Variants in CDC14B observed in about 807,000 individuals in gnomAD.
CDC14B encodes dual specificity protein phosphatase CDC14B.
In CDC14B, 22 loss-of-function variants were observed where a neutral mutation model predicts 64.2. The observed-to-expected ratio is 0.34, with a 90% CI of 0.24 to 0.49. The LOEUF is 0.49. Among genes scored for constraint, CDC14B ranks in the 20% least tolerant of loss-of-function variants. The pLI is 0.99. For synonymous variants in CDC14B, 191 were observed against 215.8 expected (o/e 0.89, Z 1.01); for missense variants, 498 against 629.9 (o/e 0.79, Z 2.24).
In CDC14B at chr9:96,509,689, T is replaced by G. The variant is rs763380051; in HGVS notation, c.1444A>C (p.Lys482Gln). Residue 482 changes from lysine (K) to glutamine (Q), a missense_variant, in exon 13 of 14, where the codon AAA becomes CAA. Transcript: ENST00000375241. ...TKRTTRSASRKSSVKSLSISR... is the reference protein window; with the variant it reads ...TKRTTRSASRQSSVKSLSISR... ...TTTTCTCACCTTTTAACACTGCTTTTCCTTGAAGCAGATCTGGTGGTTCTT... is the reference window on the plus strand; with the variant it reads ...TTTTCTCACCTTTTAACACTGCTTTGCCTTGAAGCAGATCTGGTGGTTCTT... The G allele has an allele frequency of 8.1e-6, 13 of 1,603,724 alleles. No homozygotes were observed. Among genetic ancestry groups the G allele is most frequent in the Non-Finnish European group, 1.1e-5 (13 of 1,170,784 alleles).
intron 4 of CDC14B, among the ~76,000 whole-genome samples, chr9:96,555,388 C>T (rs964260426): frequency 6.6e-6 from 1 of 152,322 alleles, no homozygotes; most frequent in South Asian, 2.1e-4. Context: ...AGGTATGTGA[C>T]TGAGCCCCCT....
chr9:96,514,806 A>G, intron 12 of CDC14B: 2 of 985,484 alleles, frequency 2.0e-6, no homozygotes, highest in Non-Finnish European at 1.2e-6. Flanking sequence ...GGTCTTCAAC[A>G]TGCTGTTCCA....
intron 1 of CDC14B, among the ~76,000 whole-genome samples, chr9:96,569,357 C>G (rs1222778946): frequency 1.3e-5 from 2 of 149,486 alleles, no homozygotes; most frequent in Admixed American, 1.3e-4. Flanking sequence ...CTTGAAATTC[C>G]AGTTTCTTTC....
chr9:96,605,861 C>T (rs1456098447), intron 1 of CDC14B, among the ~76,000 whole-genome samples: 1 of 145,276 alleles, frequency 6.9e-6, no homozygotes, highest in Non-Finnish European at 1.5e-5. Flanking sequence ...AATTTTGCCT[C>T]AAAAAAAAAA....
At chr9:96,580,085 C>A (rs1845054028) in intron 1 of CDC14B, among the ~76,000 whole-genome samples, 1 of 151,684 alleles carries the variant, frequency 6.6e-6, no homozygotes, top group Non-Finnish European at 1.5e-5. Context: ...ATACAGATGA[C>A]CAAAATCCAT....
At chr9:96,557,993 G>A (rs1205703111) in intron 4 of CDC14B, among the ~76,000 whole-genome samples, 1 of 152,190 alleles carries the variant, frequency 6.6e-6, no homozygotes, top group African/African-American at 2.4e-5. Flanking sequence ...TAGAAGAGAT[G>A]AATACCATGT....
chr9:96,545,445 A>G (rs1840668571), intron 5 of CDC14B, among the ~76,000 whole-genome samples: 1 of 151,596 alleles, frequency 6.6e-6, no homozygotes, highest in South Asian at 2.1e-4. Context: ...AGCCTCCCAA[A>G]TAACTGGGAC....
chr9:96,561,228 C>T (rs1350341315), intron 4 of CDC14B, among the ~76,000 whole-genome samples: 1 of 152,144 alleles, frequency 6.6e-6, no homozygotes, highest in Non-Finnish European at 1.5e-5. Context: ...CTTTTGTGAG[C>T]ATAAATAGGA....
At chr9:96,601,649 C>T (rs1234849697) in intron 1 of CDC14B, among the ~76,000 whole-genome samples, 9 of 145,230 alleles carry the variant, frequency 6.2e-5, no homozygotes, top group South Asian at 4.4e-4. Flanking sequence ...AAAAATTAGC[C>T]GGGTGTGGTG....
At chr9:96,569,200 G>T (rs1188281533) in intron 1 of CDC14B, among the ~76,000 whole-genome samples, 1 of 152,190 alleles carries the variant, frequency 6.6e-6, no homozygotes, top group African/African-American at 2.4e-5. Flanking sequence ...AAGTCAACTT[G>T]CAGGCTAACA....
chr9:96,512,034 T>C (rs1834970019), intron 12 of CDC14B, among the ~76,000 whole-genome samples: 1 of 151,974 alleles, frequency 6.6e-6, no homozygotes, highest in Non-Finnish European at 1.5e-5. Flanking sequence ...TTCTAAAATA[T>C]AGTGAGACAT....
chr9:96,590,566 A>G lies in CDC14B; in HGVS notation c.161-25083T>C, dbSNP rs144209950. ...CTGAGGAACCTCTATACTATTTTCC[A>G]TAGCAACTGCAGCATTTTACATTCC... On this transcript the variant is annotated intron_variant, in intron 1 of 13. Coordinates refer to ENST00000375241, the MANE Select transcript of CDC14B (RefSeq NM_033331.4). Among the ~76,000 whole-genome samples, 761 of 151,976 alleles carry G rather than the reference A, an allele frequency of 5.0e-3. 7 individuals carry two copies. Among genetic ancestry groups the G allele is most frequent in the African/African-American group, 0.017 (703 of 41,452 alleles).
chr9:96,575,530 A>C (rs1049051589), intron 1 of CDC14B, among the ~76,000 whole-genome samples: 2 of 152,178 alleles, frequency 1.3e-5, no homozygotes, highest in African/African-American at 4.8e-5. Context: ...TCACTACAGC[A>C]AGAGAGAAAA....
chr9:96,604,875 G>A (rs1846779280), intron 1 of CDC14B, among the ~76,000 whole-genome samples: 1 of 152,030 alleles, frequency 6.6e-6, no homozygotes, highest in African/African-American at 2.4e-5. Flanking sequence ...TCACCATGTT[G>A]GCCAGGCTGG....
chr9:96,532,690 A>G (rs1172827433), intron 9 of CDC14B, among the ~76,000 whole-genome samples: 2 of 152,096 alleles, frequency 1.3e-5, no homozygotes, highest in Admixed American at 6.5e-5. Flanking sequence ...CTAATTCTTT[A>G]ATGATTCTAG....
chr9:96,565,413 A>G lies in CDC14B; in HGVS notation c.231T>C (p.Asp77=), dbSNP rs1843771062. Residue 77 remains aspartate (D), a synonymous_variant, in exon 2 of 14, where the codon GAT becomes GAC. Coordinates refer to ENST00000375241, the MANE Select transcript of CDC14B (RefSeq NM_033331.4). ...CTTACTTCTCATATTCAAGTTCATT[A>G]TCTATGCTGAAATAATGTACATTTG... ...SASNVHYFSI[D]NELEYENFYA... 1.9e-6 allele frequency: 3 copies of G among 1,603,242 alleles called. No individual in the cohort carries two copies. The highest frequency in any genetic ancestry group is 2.6e-6 in the Non-Finnish European group (3 of 1,170,464).
intron 5 of CDC14B, among the ~76,000 whole-genome samples, chr9:96,543,217 T>A (rs1209193587): frequency 2.0e-5 from 3 of 151,310 alleles, no homozygotes; most frequent in African/African-American, 7.3e-5. Context: ...GCACCTGTAG[T>A]CCCAGCTACT....
At chr9:96,495,077 A>G (rs1314848429) in intron 13 of CDC14B, among the ~76,000 whole-genome samples, 5 of 151,498 alleles carry the variant, frequency 3.3e-5, no homozygotes, top group Admixed American at 2.6e-4. Flanking sequence ...CTCATGATCC[A>G]CCTGCCTCAG....
chr9:96,506,633 C>T (rs1834168046), intron 13 of CDC14B, among the ~76,000 whole-genome samples: 1 of 152,202 alleles, frequency 6.6e-6, no homozygotes, highest in Admixed American at 6.5e-5. Context: ...TTTTGGTTTT[C>T]AGAACTATCC....
Sources: gnomAD v4.1 joint callset for allele counts (sites outside exome capture counted in the v4.1 genomes callset) on GRCh38, gnomAD v4.1.1 for gene constraint, MANE v1.5 for transcripts, NCBI Gene and HGNC (gene_info 2026-07-23, HGNC 2026-07-21) for gene names.